The following DNAJC5B variants were observed in gnomAD, a reference collection of about 807,000 sequenced individuals.
The protein encoded by DNAJC5B is DnaJ heat shock protein family (Hsp40) member C5 beta, also known as dnaJ homolog subfamily C member 5B.
A neutral mutation model predicts 24.7 loss-of-function variants in DNAJC5B; 23 were observed. The observed-to-expected ratio is 0.93, with a 90% CI of 0.67 to 1.32. The LOEUF (loss-of-function observed/expected upper bound fraction) is 1.32. DNAJC5B is among the 40% of genes most tolerant of loss of function. DNAJC5B has a pLI of 0.00. For synonymous variants in DNAJC5B, 101 were observed against 90.1 expected, an observed-to-expected ratio of 1.12 and a Z score of -0.68; for missense variants, 238 against 240.8, an observed-to-expected ratio of 0.99 and a Z score of 0.08.
At chr8:66,093,131 A>G (rs1377134661) in intron 5 of DNAJC5B, among the ~76,000 whole-genome samples, 1 of 152,164 alleles carries the variant, frequency 6.6e-6, no homozygotes, top group East Asian at 1.9e-4. Flanking sequence ...TAATTTACTT[A>G]TCCATTCTAC....
At chr8:66,035,398 T>G (rs1215192742) in intron 1 of DNAJC5B, among the ~76,000 whole-genome samples, 2 of 152,144 alleles carry the variant, frequency 1.3e-5, no homozygotes, top group African/African-American at 4.8e-5. Flanking sequence ...AGATCTAAAT[T>G]AAGATGAGGC....
upstream of DNAJC5B, among the ~76,000 whole-genome samples, chr8:66,018,667 C>T (rs1048807124): frequency 6.6e-6 from 1 of 152,112 alleles, no homozygotes; most frequent in Non-Finnish European, 1.5e-5. Flanking sequence ...AGAAGCTTGA[C>T]TTAACATGAG....
chr8:66,087,534 T>C (rs1807754380), intron 5 of DNAJC5B, among the ~76,000 whole-genome samples: 1 of 152,120 alleles, frequency 6.6e-6, no homozygotes, highest in East Asian at 1.9e-4. Flanking sequence ...GTCCAAAGTC[T>C]CATCTGAGAC....
At chr8:66,088,221 C>G (rs1807771127) in intron 5 of DNAJC5B, among the ~76,000 whole-genome samples, 1 of 152,218 alleles carries the variant, frequency 6.6e-6, no homozygotes, top group South Asian at 2.1e-4. Context: ...ATAGCCTTAG[C>G]TGTACCTTGG....
intron 5 of DNAJC5B, among the ~76,000 whole-genome samples, chr8:66,082,958 T>C (rs1197709568): frequency 6.6e-6 from 1 of 151,936 alleles, no homozygotes; most frequent in East Asian, 1.9e-4. Context: ...TGATTGCTTC[T>C]TCATATTAAT....
intron 5 of DNAJC5B, among the ~76,000 whole-genome samples, chr8:66,086,705 T>G (rs1033880981): frequency 6.6e-6 from 1 of 152,186 alleles, no homozygotes; most frequent in Non-Finnish European, 1.5e-5. Flanking sequence ...GGCTTTATAT[T>G]AATTACCCAT....
Position 66,101,144 on chromosome 8 carries a change from C to T in DNAJC5B, c.*1113C>T, listed in dbSNP as rs1808065233. On this transcript the variant is annotated 3_prime_UTR_variant, in exon 6 of 6. Transcript: ENST00000276570. ...TTTATCTTTTTTCTTGTTTCTTATT[C>T]CCACCCAAAAAATTATAGTTAATTG... Among the ~76,000 whole-genome samples the T allele has an allele frequency of 6.6e-6, 1 of 151,688 alleles. No individual in the cohort carries two copies. The highest frequency in any genetic ancestry group is 1.5e-5 in the Non-Finnish European group (1 of 67,918).
upstream of DNAJC5B, among the ~76,000 whole-genome samples, chr8:66,018,583 T>C (rs1306400754): frequency 6.6e-6 from 1 of 152,128 alleles, no homozygotes; most frequent in Admixed American, 6.6e-5. Flanking sequence ...TTTGGTTTGC[T>C]CTAAAGTTTG....
chr8:66,059,599 T>C (rs112889523), intron 3 of DNAJC5B, among the ~76,000 whole-genome samples: 2,393 of 152,258 alleles, frequency 0.016, 53 homozygotes, highest in African/African-American at 0.054. Context: ...AATACTCAGG[T>C]TCAAGACCCT....
At chr8:66,035,627 T>C (rs1806466154) in intron 1 of DNAJC5B, among the ~76,000 whole-genome samples, 1 of 152,160 alleles carries the variant, frequency 6.6e-6, no homozygotes, top group Non-Finnish European at 1.5e-5. Flanking sequence ...CCAACTCCCC[T>C]CAGAGCTCCA....
the DNAJC5B span, among the ~76,000 whole-genome samples, chr8:66,016,300 G>C: frequency 6.6e-6 from 1 of 152,214 alleles, no homozygotes; most frequent in Non-Finnish European, 1.5e-5. Context: ...TGTTGTGGGA[G>C]GGATCCGGTG....
the DNAJC5B span, among the ~76,000 whole-genome samples, chr8:66,016,025 G>T: frequency 2.6e-5 from 4 of 152,180 alleles, no homozygotes; most frequent in East Asian, 5.8e-4. Context: ...ACAGGATTTT[G>T]TTTCTCACAG....
intron 3 of DNAJC5B, among the ~76,000 whole-genome samples, chr8:66,069,428 T>G (rs1807297287): frequency 1.3e-5 from 2 of 152,094 alleles, no homozygotes; most frequent in Non-Finnish European, 2.9e-5. Flanking sequence ...AAAATTAAAA[T>G]GAAGACAGAA....
intron 1 of DNAJC5B, among the ~76,000 whole-genome samples, chr8:66,023,071 G>C (rs1048781447): frequency 6.6e-5 from 10 of 152,332 alleles, no homozygotes; most frequent in African/African-American, 2.4e-4. Flanking sequence ...CAGAATTTTA[G>C]AGTCGGAGGG....
intron 1 of DNAJC5B, among the ~76,000 whole-genome samples, chr8:66,041,065 A>C (rs1470868939): frequency 6.6e-6 from 1 of 152,190 alleles, no homozygotes; most frequent in African/African-American, 2.4e-5. Context: ...TTATACAATC[A>C]AAGCAACCAC....
intron 1 of DNAJC5B, among the ~76,000 whole-genome samples, chr8:66,042,455 A>T (rs1806630396): frequency 6.6e-6 from 1 of 152,206 alleles, no homozygotes; most frequent in Admixed American, 6.5e-5. Context: ...TAAAACATAC[A>T]TTTTTAAAAA....
At chr8:66,061,144 G>A (rs533750588) in intron 3 of DNAJC5B, among the ~76,000 whole-genome samples, 2 of 152,262 alleles carry the variant, frequency 1.3e-5, no homozygotes, top group Non-Finnish European at 2.9e-5. Flanking sequence ...TTCTGAGTGT[G>A]GTGGTGCTTG....
intron 1 of DNAJC5B, among the ~76,000 whole-genome samples, chr8:66,038,814 G>C (rs915182455): frequency 1.3e-5 from 2 of 152,068 alleles, no homozygotes; most frequent in Non-Finnish European, 2.9e-5. Flanking sequence ...AGCCTCCTTG[G>C]TTTATTACAG....
intron 3 of DNAJC5B, among the ~76,000 whole-genome samples, chr8:66,071,375 C>G (rs1020425162): frequency 6.6e-6 from 1 of 152,126 alleles, no homozygotes; most frequent in African/African-American, 2.4e-5. Context: ...ACAACCCCAT[C>G]AAAAAGTGGG....
Sources: allele counts gnomAD v4.1 joint callset (sites outside exome capture counted in the v4.1 genomes callset), GRCh38; gene constraint gnomAD v4.1.1; transcripts MANE v1.5; gene names NCBI Gene and HGNC (gene_info 2026-07-23, HGNC 2026-07-21).